The following SFMBT1 variants were observed in gnomAD, a reference collection of about 807,000 sequenced individuals.
The protein encoded by SFMBT1 is Scm like with four mbt domains 1.
SFMBT1 carries 32 observed loss-of-function variants against 108.7 expected under a neutral mutation model. The ratio of observed to expected loss-of-function variants is 0.29; its 90% CI spans 0.22 to 0.40. The LOEUF (loss-of-function observed/expected upper bound fraction) is 0.40. Among genes scored for constraint, SFMBT1 ranks in the 10% least tolerant of loss-of-function variants. The pLI is 1.00. For missense variants in SFMBT1, 816 were observed against 1,059.6 expected (o/e 0.77, Z 3.19); for synonymous variants, 348 against 369.5 (o/e 0.94, Z 0.67).
At chr3:52,919,596 T>C (rs1702458962) in intron 12 of SFMBT1, among the ~76,000 whole-genome samples, 1 of 152,234 alleles carries the variant, frequency 6.6e-6, no homozygotes, top group African/African-American at 2.4e-5. Context: ...GTACGTCAAT[T>C]GTAACACCAG....
intron 12 of SFMBT1, among the ~76,000 whole-genome samples, chr3:52,919,902 A>G (rs1030257265): frequency 6.6e-6 from 1 of 152,248 alleles, no homozygotes; most frequent in African/African-American, 2.4e-5. Context: ...ATTGAAACTT[A>G]TCCACCAATG....
chr3:53,041,909 A>G (rs1418267164), intron 1 of SFMBT1, among the ~76,000 whole-genome samples: 1 of 152,106 alleles, frequency 6.6e-6, no homozygotes, highest in Non-Finnish European at 1.5e-5. Context: ...TATCCCAGTT[A>G]GGTAACGAAT....
At chr3:53,005,788 G>A (rs1048685975) in intron 1 of SFMBT1, among the ~76,000 whole-genome samples, 5 of 152,284 alleles carry the variant, frequency 3.3e-5, no homozygotes, top group Admixed American at 2.0e-4. Flanking sequence ...GGATGTAAAC[G>A]ATGTGAATAT....
At position 52,905,081 on chromosome 3, in the gene SFMBT1, T is replaced by A. The variant is rs1281062108; in HGVS notation, c.*55A>T. 1 of 1,595,522 alleles carries A rather than the reference T, an allele frequency of 6.3e-7. No homozygotes were observed. Among genetic ancestry groups the A allele is most frequent in the Non-Finnish European group, 8.5e-7 (1 of 1,170,652 alleles). On this transcript the variant is annotated 3_prime_UTR_variant, in exon 21 of 21. Coordinates refer to ENST00000394752, the MANE Select transcript of SFMBT1 (RefSeq NM_016329.4). ...TTCCAGCTCCACTTATAAAGCAGGG[T>A]GAAGGATTTGCTGCATTTGTGCTTC...
chr3:52,976,703 G>A (rs929397053), intron 1 of SFMBT1, among the ~76,000 whole-genome samples: 4 of 152,054 alleles, frequency 2.6e-5, no homozygotes, highest in South Asian at 2.1e-4. Context: ...TATCTCCAGC[G>A]TATATAGCAG....
Position 52,906,132 on chromosome 3 carries a change from G to C in SFMBT1, c.2441C>G (p.Ala814Gly). ...GATTACCTGGTCTAGGAATATTCTT[G>C]CTAATGGAGCACAGTCAGTGGATCT... ...FIRSTDCAPLARIFLDQEIDG... is the reference protein window; with the variant it reads ...FIRSTDCAPLGRIFLDQEIDG... Residue 814 changes from alanine to glycine, a missense_variant, in exon 20 of 21, where the codon GCA (alanine) becomes GGA (glycine). By Grantham distance (60) the Ala-to-Gly change is moderately conservative (BLOSUM62 0). Around this residue, in one of 5 missense-constraint regions of SFMBT1, gnomAD observed 49 missense variants for 91.8 expected, o/e 0.53. Transcript: ENST00000394752. The C allele has an allele frequency of 6.2e-7, 1 of 1,614,088 alleles. No individual in the cohort carries two copies. The highest frequency in any genetic ancestry group is 8.5e-7 in the Non-Finnish European group (1 of 1,179,972).
chr3:52,917,032 T>G (rs958056233), intron 13 of SFMBT1, among the ~76,000 whole-genome samples: 1 of 152,214 alleles, frequency 6.6e-6, no homozygotes, highest in African/African-American at 2.4e-5. Flanking sequence ...CTAATTTATC[T>G]TTTAGAATGC....
At chr3:52,967,654 G>C (rs919856260) in intron 2 of SFMBT1, among the ~76,000 whole-genome samples, 15 of 152,274 alleles carry the variant, frequency 9.9e-5, no homozygotes, top group Admixed American at 8.5e-4. Context: ...TTGATAATGA[G>C]CCAAAGACAT....
Position 53,001,390 on chromosome 3 carries a change from G to A in SFMBT1, c.-130-32132C>T, listed in dbSNP as rs778235021. Among the ~76,000 whole-genome samples, 6 of 149,582 alleles carry A rather than the reference G, an allele frequency of 4.0e-5. 1 individual carries two copies. Among genetic ancestry groups the A allele is most frequent in the Admixed American group, 6.8e-5 (1 of 14,798 alleles). The stretch of plus-strand genomic sequence containing the variant: ...AGGCTGCAGTGAGCCATGATCGTGT[G>A]TCACTTTAGCTTGCATGACAGAGTG... On this transcript the variant is annotated intron_variant, in intron 1 of 20. Transcript: ENST00000394752.
intron 1 of SFMBT1, among the ~76,000 whole-genome samples, chr3:53,015,909 TTAAG>T (rs1203438797): frequency 6.6e-6 from 1 of 152,174 alleles, no homozygotes; most frequent in Non-Finnish European, 1.5e-5. Flanking sequence ...ATTGTATACT[TTAAG>T]TAGGTGATTT....
At chr3:53,030,683 C>A (rs1305331851) in intron 1 of SFMBT1, among the ~76,000 whole-genome samples, 566 of 82,554 alleles carry the variant, frequency 6.9e-3, no homozygotes, top group Middle Eastern at 0.016. Context: ...GGCCATAATG[C>A]AAAAAAAAAA....
chr3:53,020,315 G>A (rs942844516), intron 1 of SFMBT1, among the ~76,000 whole-genome samples: 44 of 152,156 alleles, frequency 2.9e-4, no homozygotes, highest in African/African-American at 1.0e-3. Flanking sequence ...GCTTGAACCT[G>A]GGAGGCGGAG....
chr3:52,928,140 A>G (rs764413352), intron 9 of SFMBT1, 51 bp downstream of exon 9: 1 of 1,584,200 alleles, frequency 6.3e-7, no homozygotes, highest in Non-Finnish European at 8.6e-7. Flanking sequence ...GACATGTCTC[A>G]TTTCAAGGAG....
At chr3:52,916,727 A>G (rs1387424763) in intron 13 of SFMBT1, among the ~76,000 whole-genome samples, 2 of 152,120 alleles carry the variant, frequency 1.3e-5, no homozygotes, top group Non-Finnish European at 2.9e-5. Flanking sequence ...ACAACAAAAA[A>G]GAACAATTGT....
chr3:53,032,519 G>A (rs551969827), intron 1 of SFMBT1, among the ~76,000 whole-genome samples: 42 of 152,296 alleles, frequency 2.8e-4, no homozygotes, highest in Non-Finnish European at 4.3e-4. Context: ...TTCTAATTAC[G>A]ATGGAAAGCC....
intron 5 of SFMBT1, among the ~76,000 whole-genome samples, chr3:52,932,739 C>T (rs925843063): frequency 2.0e-5 from 3 of 151,920 alleles, no homozygotes; most frequent in Non-Finnish European, 2.9e-5. Context: ...GGTGAAACCC[C>T]GTCTCTACTA....
In SFMBT1 at chr3:53,045,807, C is replaced by T. The variant is rs982362465; in HGVS notation, c.-131+9G>A. 3 of 150,032 alleles carry T rather than the reference C, an allele frequency of 2.0e-5. No individual in the cohort carries two copies. The highest frequency in any genetic ancestry group is 7.3e-5 in the African/African-American group (3 of 40,844). The allele number at this position is 150,032 out of a possible 1,614,324, so 9.3% of individuals were successfully genotyped here. On this transcript the variant is annotated intron_variant, in intron 1 of 20. Transcript: ENST00000394752. ...CGGGAAGGCCCAGCCGGTGGCCCCG[C>T]TTTTTTACCTGCCCGGAGTTTTCGC...
intron 13 of SFMBT1, 140 bp from the exon 14 acceptor site, chr3:52,916,354 T>A: frequency 8.0e-6 from 4 of 498,264 alleles, no homozygotes; most frequent in East Asian, 3.5e-5. Flanking sequence ...CCCTTGATGA[T>A]ACTTTTTTTT....
chr3:52,968,718 G>A lies in SFMBT1; in HGVS notation c.28+383C>T, dbSNP rs576099136. ...GGGTTCACACCATTCTCCTGCCCGA[G>A]TAGCTGGGACTACAGGCACCCGTCA... On this transcript the variant is annotated intron_variant, in intron 2 of 20. Transcript: ENST00000394752. 2.6e-5 allele frequency among the ~76,000 whole-genome samples: 4 copies of A among 151,482 alleles called. No homozygotes were observed. In the East Asian group the frequency reaches 5.8e-4, roughly 22 times the overall value.
Sources: gnomAD v4.1 joint callset for allele counts (sites outside exome capture counted in the v4.1 genomes callset) on GRCh38, gnomAD v4.1.1 for gene constraint, gnomAD v4.1.1 regional missense constraint, MANE v1.5 for transcripts, NCBI Gene and HGNC (gene_info 2026-07-23, HGNC 2026-07-21) for gene names.